Variants in DDAH1 observed in about 807,000 individuals in gnomAD.
DDAH1 encodes the protein dimethylarginine dimethylaminohydrolase 1, also known as N(G),N(G)-dimethylarginine dimethylaminohydrolase 1.
In DDAH1, 19 loss-of-function variants were observed where a neutral mutation model predicts 28.8. The ratio of observed to expected loss-of-function variants is 0.66; its 90% confidence interval spans 0.46 to 0.97. DDAH1 has a LOEUF of 0.97. Ranked by LOEUF, DDAH1 falls within the 50% of genes least tolerant of loss-of-function variation. The pLI is 0.00. For synonymous variants in DDAH1, 153 were observed against 154.4 expected, an observed-to-expected ratio of 0.99 and a Z score of 0.07; for missense variants, 326 against 375.9, an observed-to-expected ratio of 0.87 and a Z score of 1.10.
intron 1 of DDAH1, among the ~76,000 whole-genome samples, chr1:85,437,212 G>C (rs1653980063): frequency 6.6e-6 from 1 of 152,164 alleles, no homozygotes; most frequent in Non-Finnish European, 1.5e-5. Flanking sequence ...CCATACTGGA[G>C]AGACCACATG....
intron 4 of DDAH1, among the ~76,000 whole-genome samples, chr1:85,334,447 A>G (rs940598684): frequency 6.6e-6 from 1 of 152,164 alleles, no homozygotes; most frequent in Non-Finnish European, 1.5e-5. Flanking sequence ...CTGTGTCCCC[A>G]CCCAAATCTC....
intron 1 of DDAH1, among the ~76,000 whole-genome samples, chr1:85,455,312 C>G (rs2100677547): frequency 6.6e-6 from 1 of 152,114 alleles, no homozygotes; most frequent in Admixed American, 6.5e-5. Context: ...GAAACTGCAC[C>G]AAGATTAATT....
chr1:85,441,173 C>A (rs1208105559), intron 1 of DDAH1, among the ~76,000 whole-genome samples: 3 of 152,212 alleles, frequency 2.0e-5, no homozygotes, highest in Non-Finnish European at 1.5e-5. Flanking sequence ...TTTTACAGCA[C>A]TTCTCTGAGC....
chr1:85,396,373 A>G (rs1651815174), intron 1 of DDAH1, among the ~76,000 whole-genome samples: 1 of 152,210 alleles, frequency 6.6e-6, no homozygotes, highest in African/African-American at 2.4e-5. Flanking sequence ...GTCACAGTAC[A>G]GAGATCACAT....
chr1:85,324,798 G>A lies in DDAH1; in HGVS notation c.683C>T (p.Pro228Leu). The A allele has an allele frequency of 1.2e-6, 2 of 1,614,074 alleles. No homozygotes were observed. The highest frequency in any genetic ancestry group is 1.1e-5 in the South Asian group (1 of 91,064). Residue 228 changes from proline to leucine, a missense_variant, in exon 5 of 6, where the codon CCC becomes CTC. By Grantham distance (98) the Pro-to-Leu change is moderately conservative. Coordinates refer to ENST00000284031, the MANE Select transcript of DDAH1 (RefSeq NM_012137.4). The stretch of plus-strand genomic sequence containing the variant: ...GTGCAGCAAGACGTGCCCTTTGTTG[G>A]GGATATTTAGATATATACAGTTTGC... ...IAANCIYLNI[P>L]NKGHVLLHRT...
intron 1 of DDAH1, among the ~76,000 whole-genome samples, chr1:85,512,831 C>T (rs1247614923): frequency 1.3e-5 from 2 of 152,184 alleles, no homozygotes; most frequent in Non-Finnish European, 1.5e-5. Context: ...CTACAAACCA[C>T]TGCTCAATGA....
At chr1:85,528,847 G>T (rs767489536) in intron 1 of DDAH1, among the ~76,000 whole-genome samples, 1 of 151,698 alleles carries the variant, frequency 6.6e-6, no homozygotes, top group Non-Finnish European at 1.5e-5. Flanking sequence ...GGTGGCACAC[G>T]CCTGTAATTC....
At chr1:85,385,881 C>T (rs1318849699) in intron 1 of DDAH1, among the ~76,000 whole-genome samples, 1 of 152,042 alleles carries the variant, frequency 6.6e-6, no homozygotes, top group African/African-American at 2.4e-5. Context: ...ATGGTGGAAG[C>T]CAATGGGAGC....
rs1245206549 is a variant in DDAH1, at chr1:85,517,764, A to G, written c.-122-21483T>C. The stretch of plus-strand genomic sequence containing the variant: ...GCTCCCAAAGGCAGCCCAAGCCCCC[A>G]GGAGAAACAAAGACAGAATAGCGCC... On this transcript the variant is annotated intron_variant, in intron 1 of 6. Coordinates refer to the DDAH1 transcript ENST00000426972. 2.8e-4 allele frequency among the ~76,000 whole-genome samples: 42 copies of G among 152,186 alleles called. 1 individual carries two copies. Among genetic ancestry groups the G allele is most frequent in the Non-Finnish European group, 5.9e-5 (4 of 68,036 alleles).
intron 1 of DDAH1, among the ~76,000 whole-genome samples, chr1:85,501,537 T>G (rs1183549428): frequency 1.3e-5 from 2 of 152,222 alleles, no homozygotes; most frequent in Non-Finnish European, 2.9e-5. Flanking sequence ...TGTTTCTCTG[T>G]GCAGCTTTCT....
intron 1 of DDAH1, among the ~76,000 whole-genome samples, chr1:85,388,572 T>C (rs867468987): frequency 2.6e-5 from 4 of 152,216 alleles, no homozygotes; most frequent in South Asian, 2.1e-4. Flanking sequence ...TTTCAAAATC[T>C]GTTGTCCAGA....
chr1:85,332,117 G>A (rs539259660), intron 4 of DDAH1, among the ~76,000 whole-genome samples: 10 of 152,236 alleles, frequency 6.6e-5, no homozygotes, highest in East Asian at 1.9e-4. Flanking sequence ...GAGCCCACTC[G>A]GGTCCCATGT....
At chr1:85,424,754 A>T (rs998974128) in intron 1 of DDAH1, among the ~76,000 whole-genome samples, 6 of 151,996 alleles carry the variant, frequency 3.9e-5, no homozygotes, top group East Asian at 3.9e-4. Flanking sequence ...ATTAAATTTA[A>T]TTTTTTTTAA....
At chr1:85,503,976 A>C (rs1192457305) in intron 1 of DDAH1, among the ~76,000 whole-genome samples, 1 of 152,184 alleles carries the variant, frequency 6.6e-6, no homozygotes, top group African/African-American at 2.4e-5. Flanking sequence ...TAGGGCTTAC[A>C]AGTCCACAGT....
intron 1 of DDAH1, among the ~76,000 whole-genome samples, chr1:85,508,456 A>G (rs1349583168): frequency 6.6e-6 from 1 of 151,866 alleles, no homozygotes; most frequent in African/African-American, 2.4e-5. Context: ...GGTTCATCTC[A>G]TTGGGACTGG....
intron 2 of DDAH1, among the ~76,000 whole-genome samples, chr1:85,477,393 C>A (rs1655840046): frequency 6.6e-6 from 1 of 152,102 alleles, no homozygotes; most frequent in Non-Finnish European, 1.5e-5. Context: ...ACAGCCTTTA[C>A]AACTAGAAGA....
intron 1 of DDAH1, among the ~76,000 whole-genome samples, chr1:85,555,734 A>G (rs58356917): frequency 0.033 from 5,068 of 152,246 alleles, 252 homozygotes; most frequent in African/African-American, 0.11. Context: ...GGTATAGTTT[A>G]GGAAGATGAC....
At chr1:85,354,104 T>A (rs572276465) in intron 2 of DDAH1, among the ~76,000 whole-genome samples, 9 of 152,270 alleles carry the variant, frequency 5.9e-5, no homozygotes, top group Admixed American at 5.2e-4. Flanking sequence ...AATGGACATC[T>A]AAATTTTTTT....
intron 1 of DDAH1, among the ~76,000 whole-genome samples, chr1:85,511,250 A>C (rs2100750547): frequency 6.6e-6 from 1 of 152,332 alleles, no homozygotes; most frequent in East Asian, 1.9e-4. Context: ...CTGAATGACT[A>C]CTGGGTAAAT....
Sources: gnomAD v4.1 joint callset for allele counts (sites outside exome capture counted in the v4.1 genomes callset) on GRCh38, gnomAD v4.1.1 for gene constraint, MANE v1.5 for transcripts, NCBI Gene and HGNC (gene_info 2026-07-23, HGNC 2026-07-21) for gene names.